Variants in CBX1 observed in about 807,000 individuals in gnomAD.
CBX1 encodes chromobox 1, also known as chromobox protein homolog 1.
Under a neutral mutation model 25.1 loss-of-function variants are expected in CBX1, and 10 were observed. The observed-to-expected ratio is 0.40, with a 90% CI of 0.25 to 0.68. The LOEUF (loss-of-function observed/expected upper bound fraction) is 0.68. Ranked by LOEUF, CBX1 falls within the 30% of genes least tolerant of loss-of-function variation. The pLI, the probability that CBX1 is intolerant of heterozygous loss-of-function variation, is 0.40. For missense variants in CBX1, 106 were observed against 218.5 expected (o/e 0.49, Z 3.25); for synonymous variants, 63 against 79.4 (o/e 0.79, Z 1.10).
chr17:48,084,695 G>A (rs2037771103), intron 1 of CBX1, among the ~76,000 whole-genome samples: 1 of 149,360 alleles, frequency 6.7e-6, no homozygotes, highest in Admixed American at 6.6e-5. Flanking sequence ...TGGATCATGA[G>A]GTCAGGAGAT....
At chr17:48,081,476 TC>T (rs1248885873) in intron 1 of CBX1, among the ~76,000 whole-genome samples, 1 of 152,200 alleles carries the variant, frequency 6.6e-6, no homozygotes. Context: ...TTCGCTCTTG[TC>T]GCCCAGGCTG....
Position 48,084,049 on chromosome 17 carries a change from A to G in CBX1, c.-37-7008T>C, listed in dbSNP as rs187805573. Among the ~76,000 whole-genome samples, 296 of 150,028 alleles carry G rather than the reference A, an allele frequency of 2.0e-3. 23 individuals carry two copies. The highest frequency in any genetic ancestry group is 6.7e-3 in the African/African-American group (265 of 39,498). ...CTCTGTTGCCCAGTACGGTGGCCTGATCATAACTCACTGCAGCCTCGACCT... is the reference window on the plus strand; with the variant it reads ...CTCTGTTGCCCAGTACGGTGGCCTGGTCATAACTCACTGCAGCCTCGACCT... On this transcript the variant is annotated intron_variant, in intron 1 of 4. Coordinates refer to ENST00000225603, the MANE Select transcript of CBX1 (RefSeq NM_001127228.2).
chr17:48,077,256 CTTTT>C (rs57789313), intron 1 of CBX1, among the ~76,000 whole-genome samples: 1 of 141,622 alleles, frequency 7.1e-6, no homozygotes, highest in Non-Finnish European at 1.5e-5. Context: ...TTACAGCAAA[CTTTT>C]TTTTTTTTTT....
In CBX1 at chr17:48,071,130, C is replaced by G; in HGVS notation, c.*305G>C. ...TTTGAAGATCTACAGTATTTTTTTGCTCTCCCACACACCCAATTCTGCAAG... is the reference window on the plus strand; with the variant it reads ...TTTGAAGATCTACAGTATTTTTTTGGTCTCCCACACACCCAATTCTGCAAG... On this transcript the variant is annotated 3_prime_UTR_variant, in exon 5 of 5. Coordinates refer to ENST00000225603, the MANE Select transcript of CBX1 (RefSeq NM_001127228.2). 4.7e-6 allele frequency: 1 copy of G among 214,284 alleles called. No individual in the cohort carries two copies. The highest frequency in any genetic ancestry group is 9.3e-6 in the Non-Finnish European group (1 of 107,664). 13.3% of individuals were successfully genotyped at this position (214,284 alleles called of 1,614,324 possible).
At chr17:48,092,917 A>C (rs1192404869) in intron 1 of CBX1, among the ~76,000 whole-genome samples, 1 of 152,026 alleles carries the variant, frequency 6.6e-6, no homozygotes, top group African/African-American at 2.4e-5. Context: ...CTAAAAATAC[A>C]AAATGAGCCG....
In CBX1 at chr17:48,074,987, G is replaced by C; in HGVS notation, c.413+19C>G. 6.4e-7 allele frequency: 1 copy of C among 1,555,458 alleles called. No homozygotes were observed. The highest frequency in any genetic ancestry group is 8.9e-7 in the Non-Finnish European group (1 of 1,126,488). On this transcript the variant is annotated intron_variant, in intron 4 of 4. Coordinates refer to ENST00000225603, the MANE Select transcript of CBX1 (RefSeq NM_001127228.2). ...GGAGAAGAAAAAAAACAACCACACA[G>C]AGCCACTGGCCGACTCACCATTTCA...
At chr17:48,076,481 G>A (rs943526181) in intron 2 of CBX1, among the ~76,000 whole-genome samples, 2 of 152,062 alleles carry the variant, frequency 1.3e-5, no homozygotes, top group African/African-American at 4.8e-5. Flanking sequence ...CAGGTGGGAG[G>A]ACTGCTTGAG....
At chr17:48,079,337 C>G (rs2037709900) in intron 1 of CBX1, among the ~76,000 whole-genome samples, 1 of 144,092 alleles carries the variant, frequency 6.9e-6, no homozygotes, top group Non-Finnish European at 1.5e-5. Context: ...AACTCCTGAC[C>G]TCAAGTGATC....
chr17:48,086,665 G>A (rs890330790), intron 1 of CBX1, among the ~76,000 whole-genome samples: 3 of 151,982 alleles, frequency 2.0e-5, no homozygotes, highest in Non-Finnish European at 4.4e-5. Context: ...AGACCAGCCT[G>A]GCCAACATGG....
chr17:48,077,740 G>T (rs977011525), intron 1 of CBX1, among the ~76,000 whole-genome samples: 5 of 152,196 alleles, frequency 3.3e-5, no homozygotes, highest in African/African-American at 1.2e-4. Flanking sequence ...CCAGCATTTT[G>T]GAAGGCCCAA....
chr17:48,099,376 T>C (rs1365489245), intron 1 of CBX1, among the ~76,000 whole-genome samples: 1 of 152,090 alleles, frequency 6.6e-6, no homozygotes, highest in Non-Finnish European at 1.5e-5. Flanking sequence ...AGTGCTGGGA[T>C]GACAGGCTTG....
chr17:48,100,873 C>T (rs2063405513), intron 1 of CBX1: 3 of 985,558 alleles, frequency 3.0e-6, no homozygotes, highest in Non-Finnish European at 2.4e-6. Context: ...CAGTTACAAA[C>T]CTCGGGTTGT....
rs967581596 is a variant in CBX1, at chr17:48,071,220, A to G, written c.*215T>C. On this transcript the variant is annotated 3_prime_UTR_variant, in exon 5 of 5. Transcript: ENST00000225603. ...AGTGCAGAAAAGGTTGCCTTGAAAC[A>G]CTTATCCCCTTTCCCCTCCACTGGG... is the stretch of plus-strand genomic sequence containing the variant. 2.4e-6 allele frequency: 1 copy of G among 412,918 alleles called. No individual in the cohort carries two copies. The highest frequency in any genetic ancestry group is 2.0e-5 in the African/African-American group (1 of 49,288). The allele number at this position is 412,918 out of a possible 1,614,324, so 25.6% of individuals were successfully genotyped here.
intron 4 of CBX1, among the ~76,000 whole-genome samples, chr17:48,072,951 G>A (rs1281580046): frequency 2.6e-5 from 4 of 151,894 alleles, no homozygotes; most frequent in African/African-American, 4.8e-5. Flanking sequence ...GCAAAACCGT[G>A]TTGCTACTAA....
At chr17:48,080,528 T>G (rs932731479) in intron 1 of CBX1, among the ~76,000 whole-genome samples, 1 of 152,034 alleles carries the variant, frequency 6.6e-6, no homozygotes, top group Admixed American at 6.6e-5. Flanking sequence ...GAGGTTAAAC[T>G]GGTTATTCCT....
At chr17:48,077,090 G>C in intron 1 of CBX1, 49 bp from the exon 2 acceptor site, 4 of 1,424,138 alleles carry the variant, frequency 2.8e-6, no homozygotes, top group South Asian at 1.4e-5. Context: ...ACTCTTATTG[G>C]TTAGATAATA....
chr17:48,097,462 A>G (rs1274273263), intron 1 of CBX1, among the ~76,000 whole-genome samples: 7 of 151,702 alleles, frequency 4.6e-5, no homozygotes, highest in African/African-American at 1.7e-4. Context: ...CTAAAAATAC[A>G]AAAATTAGCC....
chr17:48,100,226 G>A (rs1365247036), intron 1 of CBX1, among the ~76,000 whole-genome samples: 1 of 148,934 alleles, frequency 6.7e-6, no homozygotes, highest in Admixed American at 6.8e-5. Context: ...AAGGGCCCAC[G>A]AAACAAATAT....
intron 1 of CBX1, among the ~76,000 whole-genome samples, chr17:48,080,994 A>ATATATATATATATATAT (rs1567765629): frequency 1.2e-5 from 1 of 85,560 alleles, no homozygotes; most frequent in Non-Finnish European, 2.2e-5. Flanking sequence ...ATATATATAT[A>ATATATATATATATATAT]AAATTTGTCT....
Sources: gnomAD v4.1 joint callset for allele counts (sites outside exome capture counted in the v4.1 genomes callset) on GRCh38, gnomAD v4.1.1 for gene constraint, MANE v1.5 for transcripts, NCBI Gene and HGNC (gene_info 2026-07-23, HGNC 2026-07-21) for gene names.